NHEJ1: variants seen among roughly 807,000 people sequenced by gnomAD.
The protein encoded by NHEJ1 is non-homologous end joining factor 1.
A neutral mutation model predicts 39.4 loss-of-function variants in NHEJ1; 22 were observed. The ratio of observed to expected loss-of-function variants is 0.56; its 90% CI spans 0.40 to 0.80. NHEJ1 has a LOEUF of 0.80. NHEJ1 is among the 30% of genes least tolerant of loss of function. The pLI is 0.00. For synonymous variants in NHEJ1, 154 were observed against 135.6 expected (o/e 1.14, Z -0.94); for missense variants, 329 against 357.1 (o/e 0.92, Z 0.63).
chr2:219,109,405 C>A (rs142860492), intron 5 of NHEJ1, among the ~76,000 whole-genome samples: 105 of 152,318 alleles, frequency 6.9e-4, no homozygotes, highest in African/African-American at 2.5e-3. Context: ...AACAAAGGTG[C>A]CCCATGGCAG....
chr2:219,146,400 C>A (rs1404726789), intron 5 of NHEJ1, among the ~76,000 whole-genome samples: 1 of 152,204 alleles, frequency 6.6e-6, no homozygotes, highest in Non-Finnish European at 1.5e-5. Flanking sequence ...ACCAACCTTT[C>A]CAAGGTTAGA....
chr2:219,078,350 T>C (rs968054393), intron 5 of NHEJ1, 144 bp from the exon 6 acceptor site: 1 of 728,884 alleles, frequency 1.4e-6, no homozygotes, highest in Non-Finnish European at 2.4e-6. Context: ...TATCCAAGCC[T>C]GGTGGCAACC....
intron 3 of NHEJ1, among the ~76,000 whole-genome samples, chr2:219,153,930 A>G (rs1046999730): frequency 3.3e-5 from 5 of 152,236 alleles, no homozygotes; most frequent in Non-Finnish European, 2.9e-5. Flanking sequence ...AGATTAAAAG[A>G]TACAAATATT....
chr2:219,105,978 C>T (rs1023486594), intron 5 of NHEJ1, among the ~76,000 whole-genome samples: 1 of 152,102 alleles, frequency 6.6e-6, no homozygotes, highest in African/African-American at 2.4e-5. Context: ...TAACATAATG[C>T]CTTGCAAATA....
At chr2:219,110,023 T>A (rs1215531856) in intron 5 of NHEJ1, among the ~76,000 whole-genome samples, 1 of 152,206 alleles carries the variant, frequency 6.6e-6, no homozygotes, top group South Asian at 2.1e-4. Context: ...GTACCCCCTA[T>A]GAAGAATCAT....
chr2:219,121,219 A>G (rs986324488), intron 5 of NHEJ1, among the ~76,000 whole-genome samples: 2 of 151,764 alleles, frequency 1.3e-5, no homozygotes, highest in African/African-American at 2.4e-5. Flanking sequence ...AAAAAAAAAA[A>G]GAAATCTAGG....
At chr2:219,103,100 G>C (rs1045575993) in intron 5 of NHEJ1, among the ~76,000 whole-genome samples, 2 of 145,410 alleles carry the variant, frequency 1.4e-5, no homozygotes, top group Non-Finnish European at 3.0e-5. Context: ...AGAATCTCTT[G>C]AACCTGGGAG....
intron 5 of NHEJ1, among the ~76,000 whole-genome samples, chr2:219,138,335 T>C (rs1208448213): frequency 6.6e-6 from 1 of 152,142 alleles, no homozygotes; most frequent in Non-Finnish European, 1.5e-5. Flanking sequence ...CATCCCGAAG[T>C]TGGGACTGCC....
chr2:219,137,595 A>AAAAAAAAAAAAAAAC lies in NHEJ1; in HGVS notation c.588+9084_588+9085insGTTTTTTTTTTTTTT, dbSNP rs143557047. Among the ~76,000 whole-genome samples, 591 of 82,494 alleles carry AAAAAAAAAAAAAAAC rather than the reference A, an allele frequency of 7.2e-3. 62 individuals are homozygous for AAAAAAAAAAAAAAAC. Among genetic ancestry groups the AAAAAAAAAAAAAAAC allele is most frequent in the Non-Finnish European group, 0.013 (416 of 32,782 alleles). 54.1% of individuals were successfully genotyped at this position (82,494 alleles called of 152,430 possible). A position where few individuals can be genotyped will look rare whatever the true frequency, so the allele number is the denominator to read the frequency against. ...CAAAAAAAAAAAAAAAAAAAAAACA[A>AAAAAAAAAAAAAAAC]AAAAAACTGAAAACCACCTTCAGAA... On this transcript the variant is annotated intron_variant, in intron 5 of 7. Coordinates refer to ENST00000356853, the MANE Select transcript of NHEJ1 (RefSeq NM_024782.3).
intron 5 of NHEJ1, among the ~76,000 whole-genome samples, chr2:219,083,796 A>C (rs1949087798): frequency 6.6e-6 from 1 of 152,200 alleles, no homozygotes; most frequent in East Asian, 1.9e-4. Flanking sequence ...ATGAGTGCTA[A>C]GTGGACTCAA....
At chr2:219,088,557 T>C (rs1949132579) in intron 5 of NHEJ1, among the ~76,000 whole-genome samples, 1 of 152,074 alleles carries the variant, frequency 6.6e-6, no homozygotes, top group African/African-American at 2.4e-5. Flanking sequence ...AAAGAGTATA[T>C]ATTATTCCAT....
intron 5 of NHEJ1, among the ~76,000 whole-genome samples, chr2:219,084,498 TCAC>T (rs1184853578): frequency 1.3e-5 from 2 of 152,172 alleles, no homozygotes; most frequent in Non-Finnish European, 2.9e-5. Context: ...CTGTCCCCCA[TCAC>T]CACACTAGCC....
At chr2:219,138,443 T>C (rs899507290) in intron 5 of NHEJ1, among the ~76,000 whole-genome samples, 2 of 152,246 alleles carry the variant, frequency 1.3e-5, no homozygotes, top group East Asian at 3.9e-4. Flanking sequence ...TGTCTAAGGC[T>C]ACCAATAGGT....
intron 5 of NHEJ1, among the ~76,000 whole-genome samples, chr2:219,113,149 T>C (rs1016368899): frequency 6.6e-6 from 1 of 152,258 alleles, no homozygotes; most frequent in African/African-American, 2.4e-5. Context: ...CTCTCGACTC[T>C]GCTTCACTTG....
At chr2:219,127,700 A>G (rs1429664352) in intron 5 of NHEJ1, among the ~76,000 whole-genome samples, 1 of 152,248 alleles carries the variant, frequency 6.6e-6, no homozygotes, top group African/African-American at 2.4e-5. Context: ...AAGGCCTCAT[A>G]AGAAAGACCT....
intron 5 of NHEJ1, among the ~76,000 whole-genome samples, chr2:219,089,812 T>G (rs1949145362): frequency 6.6e-6 from 1 of 152,230 alleles, no homozygotes; most frequent in Non-Finnish European, 1.5e-5. Context: ...TCCCCATCTT[T>G]TTTGCCTATT....
intron 5 of NHEJ1, among the ~76,000 whole-genome samples, chr2:219,082,480 G>A (rs1216750813): frequency 6.6e-6 from 1 of 152,132 alleles, no homozygotes; most frequent in East Asian, 1.9e-4. Flanking sequence ...CTACAAATAC[G>A]TAATCTGCCT....
rs562844143 is a variant in NHEJ1, at chr2:219,075,595, T to A, written c.*786A>T. ...AGCCTTGTCTCCACACACAAAAAAA[T>A]ACAAAAATTAGCTAGGTGTGGTGGT... On this transcript the variant is annotated 3_prime_UTR_variant, in exon 8 of 8. Coordinates refer to ENST00000356853, the MANE Select transcript of NHEJ1 (RefSeq NM_024782.3). The A allele has an allele frequency of 2.0e-5, 3 of 152,148 alleles. No homozygotes were observed. In the East Asian group the frequency reaches 5.8e-4, roughly 29 times the overall value. 9.4% of individuals were successfully genotyped at this position (152,148 alleles called of 1,614,324 possible). A position where few individuals can be genotyped will look rare whatever the true frequency, so the allele number is the denominator to read the frequency against.
intron 5 of NHEJ1, among the ~76,000 whole-genome samples, chr2:219,099,276 C>T (rs1949235123): frequency 6.6e-6 from 1 of 152,176 alleles, no homozygotes; most frequent in African/African-American, 2.4e-5. Context: ...CTGTGCACTA[C>T]AGGATGTTGA....
Sources: gnomAD v4.1 joint callset for allele counts (sites outside exome capture counted in the v4.1 genomes callset) on GRCh38, gnomAD v4.1.1 for gene constraint, MANE v1.5 for transcripts, NCBI Gene and HGNC (gene_info 2026-07-23, HGNC 2026-07-21) for gene names.